TIPARP: variants seen among roughly 807,000 people sequenced by gnomAD.
The protein encoded by TIPARP is protein mono-ADP-ribosyltransferase TIPARP.
Under a neutral mutation model 56.5 loss-of-function variants are expected in TIPARP, and 12 were observed. The observed-to-expected ratio is 0.21, with a 90% confidence interval of 0.14 to 0.34. The LOEUF (loss-of-function observed/expected upper bound fraction) is 0.34. TIPARP is among the 10% of genes least tolerant of loss of function. The probability of loss-of-function intolerance (pLI) is 1.00; values close to 1 mark genes in which losing one functional copy is unlikely to be tolerated. For missense variants in TIPARP, 604 were observed against 781.6 expected (o/e 0.77, Z 2.71); for synonymous variants, 296 against 265.7 (o/e 1.11, Z -1.11).
chr3:156,690,603 G>A (rs1722548311), intron 2 of TIPARP, among the ~76,000 whole-genome samples: 1 of 152,080 alleles, frequency 6.6e-6, no homozygotes, highest in Non-Finnish European at 1.5e-5. Context: ...ATATTTCAGC[G>A]GTTCAAGTTC....
At position 156,695,855 on chromosome 3, in the gene TIPARP, T is replaced by TTTTTTC; in HGVS notation, c.1087-10_1087-9insTTTTTC. On this transcript the variant is annotated splice_polypyrimidine_tract_variant and intron_variant, in intron 3 of 5. Coordinates refer to ENST00000295924, the MANE Select transcript of TIPARP (RefSeq NM_015508.5). ...TTTTTTTTTTTTTTGTTCTGTTTTC[T>TTTTTTC]CCTCCATAGTCTGTCATTCGATTGA... 6.6e-7 allele frequency: 1 copy of TTTTTTC among 1,519,168 alleles called. No homozygotes were observed. Among genetic ancestry groups the TTTTTTC allele is most frequent in the Non-Finnish European group, 8.8e-7 (1 of 1,141,786 alleles). The allele number at this position is 1,519,168 out of a possible 1,614,324, so 94.1% of individuals were successfully genotyped here.
At chr3:156,679,441 T>A (rs1026970009) in intron 2 of TIPARP, among the ~76,000 whole-genome samples, 4 of 152,234 alleles carry the variant, frequency 2.6e-5, no homozygotes, top group Admixed American at 6.5e-5. Flanking sequence ...TTGCCTCATG[T>A]AAAGTTGCTA....
At position 156,677,965 on chromosome 3, in the gene TIPARP, A is replaced by G; in HGVS notation, c.268A>G (p.Met90Val). Residue 90 changes from methionine (M) to valine (V), a missense_variant, in exon 2 of 6, where the codon ATG (methionine) becomes GTG (valine). By Grantham distance (21) the Met-to-Val change is conservative. This residue lies in a region of TIPARP where 261 missense variants were observed against 279.2 expected (regional missense o/e 0.93). Coordinates refer to ENST00000295924, the MANE Select transcript of TIPARP (RefSeq NM_015508.5). ...TGAGAACAGCTTACATGAACCTATG[A>G]TGAAGAAAGCCATGGAAATCAATTC... ...TDENSLHEPM[M>V]KKAMEINSSC... The G allele has an allele frequency of 1.2e-6, 2 of 1,614,146 alleles. No homozygotes were observed. Among genetic ancestry groups the G allele is most frequent in the Non-Finnish European group, 1.7e-6 (2 of 1,180,038 alleles).
intron 1 of TIPARP, among the ~76,000 whole-genome samples, chr3:156,676,195 T>G (rs919267292): frequency 3.9e-5 from 6 of 152,234 alleles, no homozygotes; most frequent in African/African-American, 1.4e-4. Flanking sequence ...CTGGCTTGGC[T>G]CCTTTCCAGT....
Position 156,677,893 on chromosome 3 carries a change from T to G in TIPARP, c.196T>G (p.Ser66Ala), listed in dbSNP as rs1722187695. The change falls in exon 2 of 6, where the codon TCT (serine) becomes GCT (alanine). Residue 66 changes from serine (S) to alanine (A), a missense_variant. Around this residue, in one of 4 missense-constraint regions of TIPARP, gnomAD observed 261 missense variants for 279.2 expected, o/e 0.93. Coordinates refer to ENST00000295924, the MANE Select transcript of TIPARP (RefSeq NM_015508.5). ...GCCAATATTAAACACTCTTCTAGAA[T>G]CTGGCTCACTTGATGGGGTTTTTAG... Reference protein sequence around the residue: ...LRPILNTLLESGSLDGVFRSR... With the variant: ...LRPILNTLLEAGSLDGVFRSR... The G allele has an allele frequency of 1.2e-6, 2 of 1,614,102 alleles. No homozygotes were observed. The highest frequency in any genetic ancestry group is 1.7e-6 in the Non-Finnish European group (2 of 1,180,018).
chr3:156,692,215 A>G (rs1722593696), intron 2 of TIPARP, among the ~76,000 whole-genome samples: 1 of 152,200 alleles, frequency 6.6e-6, no homozygotes, highest in Admixed American at 6.5e-5. Context: ...CAATCTTAAC[A>G]GGGAGAAAGT....
In TIPARP at chr3:156,702,376, T is replaced by C. The variant is rs564407263; in HGVS notation, c.1248-1048T>C. On this transcript the variant is annotated intron_variant, in intron 4 of 5. Coordinates refer to ENST00000295924, the MANE Select transcript of TIPARP (RefSeq NM_015508.5). ...ACAGGGTTATTGTGACAATTAGTGA[T>C]ATTGTATGTAAAATGGCTGGCACAT... Among the ~76,000 whole-genome samples, 106 of 152,308 alleles carry C rather than the reference T, an allele frequency of 7.0e-4. 2 individuals carry two copies. In the South Asian group the frequency reaches 0.021, roughly 31 times the overall value.
chr3:156,682,628 T>C (rs1163949025), intron 2 of TIPARP, among the ~76,000 whole-genome samples: 2 of 152,216 alleles, frequency 1.3e-5, no homozygotes, highest in Non-Finnish European at 2.9e-5. Context: ...TGAACTCTAC[T>C]GGAGTAGTTA....
At chr3:156,691,272 G>A (rs1722567308) in intron 2 of TIPARP, among the ~76,000 whole-genome samples, 1 of 152,130 alleles carries the variant, frequency 6.6e-6, no homozygotes, top group African/African-American at 2.4e-5. Flanking sequence ...ATCTTGGATT[G>A]ATAAAGTAAA....
chr3:156,691,125 C>G (rs1477252345), intron 2 of TIPARP, among the ~76,000 whole-genome samples: 1 of 152,112 alleles, frequency 6.6e-6, no homozygotes, highest in Admixed American at 6.6e-5. Flanking sequence ...CCAACTAGTA[C>G]CAATCCTGTC....
In TIPARP at chr3:156,677,715, C is replaced by T. The variant is rs190841318; in HGVS notation, c.18C>T (p.Thr6=). ...TCCACATTATGGAAATGGAAACCAC[C>T]GAACCTGAGCCAGACTGTGTAGTGC... MEMET[T]EPEPDCVVQP... is the part of the protein sequence containing the mutation. Residue 6 remains threonine (T), a synonymous_variant, in exon 2 of 6, where the codon ACC becomes ACT. Coordinates refer to ENST00000295924, the MANE Select transcript of TIPARP (RefSeq NM_015508.5). The T allele has an allele frequency of 5.7e-6, 9 of 1,587,940 alleles. No individual in the cohort carries two copies. The East Asian group carries it at 1.3e-4, about 24-fold the overall frequency.
At position 156,678,551 on chromosome 3, in the gene TIPARP, C is replaced by T. The variant is rs947722121; in HGVS notation, c.854C>T (p.Ser285Phe). 1.9e-6 allele frequency: 3 copies of T among 1,613,956 alleles called. No homozygotes were observed. Among genetic ancestry groups the T allele is most frequent in the Non-Finnish European group, 1.7e-6 (2 of 1,180,022 alleles). Residue 285 changes from serine to phenylalanine, a missense_variant, in exon 2 of 6, where the codon TCT (serine) becomes TTT (phenylalanine). This residue lies in a region of TIPARP where 252 missense variants were observed against 303.9 expected (regional missense o/e 0.83). Coordinates refer to ENST00000295924, the MANE Select transcript of TIPARP (RefSeq NM_015508.5). ...TQKWQSVFND[S>F]QEHLERFYCN... Reference sequence around the variant, plus strand: ...AAGTGGCAGAGTGTATTCAATGATTCTCAGGAGCACTTGGAAAGATTTTAC... The same window carrying T: ...AAGTGGCAGAGTGTATTCAATGATTTTCAGGAGCACTTGGAAAGATTTTAC...
At chr3:156,688,147 G>A (rs1029666847) in intron 2 of TIPARP, among the ~76,000 whole-genome samples, 2 of 152,188 alleles carry the variant, frequency 1.3e-5, no homozygotes, top group East Asian at 3.9e-4. Flanking sequence ...TTAGCTTTTT[G>A]GAAGGCTGAG....
chr3:156,690,732 A>C (rs1286061517), intron 2 of TIPARP, among the ~76,000 whole-genome samples: 1 of 152,140 alleles, frequency 6.6e-6, no homozygotes, highest in African/African-American at 2.4e-5. Context: ...TCTGATACAA[A>C]TAGCAAGATA....
In TIPARP at chr3:156,687,272, T is replaced by C. The variant is rs147822086; in HGVS notation, c.918-6748T>C. Among the ~76,000 whole-genome samples, 4 of 152,322 alleles carry C rather than the reference T, an allele frequency of 2.6e-5. No individual in the cohort carries two copies. In the East Asian group the frequency reaches 7.7e-4, roughly 29 times the overall value. The stretch of plus-strand genomic sequence containing the variant: ...AAAAGTTAAGGCTGTATGACATTTC[T>C]GGTACCTTCATGATGCAAAATTTAA... On this transcript the variant is annotated intron_variant, in intron 2 of 5. Transcript: ENST00000295924.
chr3:156,685,069 T>G (rs559047322), intron 2 of TIPARP, among the ~76,000 whole-genome samples: 10 of 152,344 alleles, frequency 6.6e-5, no homozygotes, highest in Non-Finnish European at 1.2e-4. Context: ...AGGACAGTAT[T>G]GCAGACTTGA....
At chr3:156,699,407 C>T (rs975584356) in intron 4 of TIPARP, among the ~76,000 whole-genome samples, 2 of 152,224 alleles carry the variant, frequency 1.3e-5, no homozygotes, top group Non-Finnish European at 2.9e-5. Flanking sequence ...AATCACCACC[C>T]TGATCAGTCA....
intron 2 of TIPARP, among the ~76,000 whole-genome samples, chr3:156,681,754 C>T (rs1260859063): frequency 6.6e-6 from 1 of 152,048 alleles, no homozygotes; most frequent in African/African-American, 2.4e-5. Context: ...TCCCACTTTG[C>T]TTTCTCATTT....
intron 3 of TIPARP, 67 bp downstream of exon 3, chr3:156,694,255 A>C (rs1722654254): frequency 7.0e-7 from 1 of 1,422,566 alleles, no homozygotes; most frequent in South Asian, 1.5e-5. Flanking sequence ...GTATTCTTTT[A>C]TTCTTTCTTT....
Sources: gnomAD v4.1 joint callset for allele counts (sites outside exome capture counted in the v4.1 genomes callset) on GRCh38, gnomAD v4.1.1 for gene constraint, gnomAD v4.1.1 regional missense constraint, MANE v1.5 for transcripts, NCBI Gene and HGNC (gene_info 2026-07-23, HGNC 2026-07-21) for gene names.